The following CHEK1 variants were observed in gnomAD, a reference collection of about 807,000 sequenced individuals.
The protein encoded by CHEK1 is serine/threonine-protein kinase Chk1.
CHEK1 carries 32 observed loss-of-function variants against 60.2 expected under a neutral mutation model. That is an observed-to-expected ratio of 0.53 (90% CI 0.40 to 0.71). The LOEUF is 0.71. Among genes scored for constraint, CHEK1 ranks in the 30% least tolerant of loss-of-function variants. The probability of loss-of-function intolerance (pLI) is 0.00; values close to 1 mark genes in which losing one functional copy is unlikely to be tolerated. For missense variants in CHEK1, 399 were observed against 564.6 expected (o/e 0.71, Z 2.97); for synonymous variants, 179 against 187.2 (o/e 0.96, Z 0.36).
chr11:125,679,228 T>TTTTTTTTTTTTTTTTTG (rs1454887323), downstream of CHEK1, among the ~76,000 whole-genome samples: 5 of 145,644 alleles, frequency 3.4e-5, 1 homozygote, highest in South Asian at 2.2e-4. Flanking sequence ...TTTTTTTTTT[T>TTTTTTTTTTTTTTTTTG]TGTTTCAAAG....
chr11:125,632,933 A>G (rs954655843), intron 5 of CHEK1, among the ~76,000 whole-genome samples: 3 of 152,156 alleles, frequency 2.0e-5, no homozygotes, highest in Non-Finnish European at 4.4e-5. Context: ...TGTGTTGATA[A>G]TACTTCTTTT....
intron 11 of CHEK1, among the ~76,000 whole-genome samples, chr11:125,648,575 C>T (rs547208908): frequency 6.7e-6 from 1 of 149,986 alleles, no homozygotes; most frequent in African/African-American, 2.4e-5. Flanking sequence ...GATCAAGACT[C>T]CGTCTCAAAA....
intron 5 of CHEK1, 60 bp downstream of exon 5, chr11:125,629,520 A>G: frequency 8.2e-7 from 1 of 1,221,098 alleles, no homozygotes; most frequent in South Asian, 1.5e-5. Context: ...AAATTATTTT[A>G]ATTACCTAAT....
At chr11:125,640,267 C>T (rs898844368) in intron 8 of CHEK1, among the ~76,000 whole-genome samples, 35 of 152,224 alleles carry the variant, frequency 2.3e-4, no homozygotes, top group African/African-American at 7.7e-4. Context: ...TTTGGCCGGG[C>T]GCGGTGGCTC....
At chr11:125,668,079 C>T (rs1942130039) in intron 13 of CHEK1, among the ~76,000 whole-genome samples, 1 of 152,162 alleles carries the variant, frequency 6.6e-6, no homozygotes, top group Admixed American at 6.5e-5. Flanking sequence ...TCACAGACAA[C>T]CTGGTTTAGT....
downstream of CHEK1, among the ~76,000 whole-genome samples, chr11:125,679,212 C>CTTTTTTTTTTTTTTT (rs1337479067): frequency 1.3e-5 from 1 of 74,418 alleles, no homozygotes; most frequent in African/African-American, 4.6e-5. Flanking sequence ...TAATCCGTCT[C>CTTTTTTTTTTTTTTT]TTTCTTTTTT....
intron 13 of CHEK1, among the ~76,000 whole-genome samples, chr11:125,662,213 G>A (rs1942030335): frequency 6.6e-6 from 1 of 152,240 alleles, no homozygotes; most frequent in Admixed American, 6.5e-5. Flanking sequence ...GGAAGTCCGA[G>A]TTCAAGGTGC....
Position 125,637,343 on chromosome 11 carries a change from A to G in CHEK1, c.719-106A>G, listed in dbSNP as rs1941109648. On this transcript the variant is annotated intron_variant, in intron 7 of 12. Coordinates refer to ENST00000438015, the MANE Select transcript of CHEK1 (RefSeq NM_001114122.3). ...TTAATTCTTTCTCTTCCCCAGGAAT[A>G]ATATTTAGACATAAGTAGGCTAACA... 8.4e-6 allele frequency: 6 copies of G among 714,950 alleles called. No individual in the cohort carries two copies. The South Asian group carries it at 1.3e-4, about 16-fold the overall frequency. 44.3% of individuals were successfully genotyped at this position (714,950 alleles called of 1,614,324 possible).
At position 125,669,268 on chromosome 11, in the gene CHEK1, T is replaced by C. The variant is rs140130055; in HGVS notation, c.*28-6660T>C. Among the ~76,000 whole-genome samples the C allele has an allele frequency of 2.7e-3, 410 of 152,310 alleles. 1 individual carries two copies. The highest frequency in any genetic ancestry group is 8.9e-3 in the African/African-American group (370 of 41,582). ...TAGCTTTGGTTTATATGGAAATGTG[T>C]TACCTTCGCTTTTGAAGGGTTATTA... is the stretch of plus-strand genomic sequence containing the variant. On this transcript the variant is annotated intron_variant, in intron 13 of 13. Transcript: ENST00000428830.
At chr11:125,650,809 A>C (rs2136051372) in intron 11 of CHEK1, among the ~76,000 whole-genome samples, 1 of 149,222 alleles carries the variant, frequency 6.7e-6, no homozygotes, top group East Asian at 2.0e-4. Context: ...CATTAGTTTT[A>C]GTGGTCAGCT....
At chr11:125,673,591 C>T (rs1942321215) in intron 13 of CHEK1, among the ~76,000 whole-genome samples, 1 of 152,146 alleles carries the variant, frequency 6.6e-6, no homozygotes, top group Admixed American at 6.5e-5. Flanking sequence ...TTTCTGCTCT[C>T]CCAAGTTGAA....
chr11:125,626,852 G>C lies in CHEK1; in HGVS notation c.65+19G>C. 1.9e-6 allele frequency: 3 copies of C among 1,613,794 alleles called. No homozygotes were observed. The highest frequency in any genetic ancestry group is 2.2e-5 in the East Asian group (1 of 44,876). On this transcript the variant is annotated intron_variant, in intron 2 of 12. Coordinates refer to ENST00000438015, the MANE Select transcript of CHEK1 (RefSeq NM_001114122.3). The stretch of plus-strand genomic sequence containing the variant: ...ATGGAGAGTGAGTTCTTTTAAGCTT[G>C]CCTTCGTTTTCTGAGTGCATATTCA...
intron 13 of CHEK1, among the ~76,000 whole-genome samples, chr11:125,669,066 T>G (rs1201354583): frequency 6.6e-6 from 1 of 152,156 alleles, no homozygotes; most frequent in Non-Finnish European, 1.5e-5. Context: ...AAAAAGTCTG[T>G]GCAGGCATGG....
At chr11:125,651,643 T>C (rs1430529737) in intron 11 of CHEK1, among the ~76,000 whole-genome samples, 1 of 152,140 alleles carries the variant, frequency 6.6e-6, no homozygotes, top group Non-Finnish European at 1.5e-5. Context: ...TAAGATAGTT[T>C]GTAAATGAGG....
intron 13 of CHEK1, among the ~76,000 whole-genome samples, chr11:125,668,103 G>T (rs1942130553): frequency 6.6e-6 from 1 of 152,040 alleles, no homozygotes; most frequent in South Asian, 2.1e-4. Context: ...CAGAAATGAG[G>T]GTATTTAACA....
downstream of CHEK1, among the ~76,000 whole-genome samples, chr11:125,660,036 G>A (rs944953751): frequency 6.6e-6 from 1 of 151,976 alleles, no homozygotes; most frequent in African/African-American, 2.4e-5. Flanking sequence ...ACTCCTTATG[G>A]CTGAATAATT....
Position 125,625,498 on chromosome 11 carries a change from C to A in CHEK1, c.-535C>A, listed in dbSNP as rs539164009. On this transcript the variant is annotated 5_prime_UTR_variant, in exon 1 of 13. The change creates a new upstream start codon in the 5' untranslated region. Coordinates refer to ENST00000438015, the MANE Select transcript of CHEK1 (RefSeq NM_001114122.3). ...GCTCCAGCACCACGAGTACCGCACT[C>A]TGAGGTTTACAAAGCACTCTGCTTC... 116 of 438,108 alleles carry A rather than the reference C, an allele frequency of 2.6e-4. No individual in the cohort carries two copies. The highest frequency in any genetic ancestry group is 1.4e-3 in the Admixed American group (37 of 27,054). The allele number at this position is 438,108 out of a possible 1,614,324, so 27.1% of individuals were successfully genotyped here.
intron 8 of CHEK1, among the ~76,000 whole-genome samples, chr11:125,640,450 A>G (rs1439200338): frequency 6.8e-6 from 1 of 147,514 alleles, no homozygotes; most frequent in African/African-American, 2.5e-5. Context: ...CTGAGGCAAG[A>G]GAATGGCGTG....
chr11:125,670,836 C>A (rs1290146490), intron 13 of CHEK1, among the ~76,000 whole-genome samples: 1 of 152,134 alleles, frequency 6.6e-6, no homozygotes, highest in Non-Finnish European at 1.5e-5. Context: ...TTTGGAGGAG[C>A]TTTCAAATCT....
Sources: allele counts gnomAD v4.1 joint callset (sites outside exome capture counted in the v4.1 genomes callset), GRCh38; gene constraint gnomAD v4.1.1; transcripts MANE v1.5; gene names NCBI Gene and HGNC (gene_info 2026-07-23, HGNC 2026-07-21).